DCLK2: variants seen among roughly 807,000 people sequenced by gnomAD.
DCLK2 encodes doublecortin like kinase 2.
DCLK2 carries 31 observed loss-of-function variants against 78.4 expected under a neutral mutation model. The observed-to-expected ratio is 0.40, with a 90% CI of 0.30 to 0.53. The LOEUF is 0.53. Among genes scored for constraint, DCLK2 ranks in the 20% least tolerant of loss-of-function variants. The pLI, the probability that DCLK2 is intolerant of heterozygous loss-of-function variation, is 0.61. For missense variants in DCLK2, 872 were observed against 973.7 expected, an observed-to-expected ratio of 0.90 and a Z score of 1.39; for synonymous variants, 407 against 374.9, an observed-to-expected ratio of 1.09 and a Z score of -0.99.
In DCLK2 at chr4:150,195,076, A is replaced by G. The variant is rs112204486; in HGVS notation, c.859+1836A>G. Among the ~76,000 whole-genome samples, 1,113 of 139,696 alleles carry G rather than the reference A, an allele frequency of 8.0e-3. 18 individuals carry two copies. Among genetic ancestry groups the G allele is most frequent in the African/African-American group, 0.028 (1,048 of 37,508 alleles). The allele number at this position is 139,696 out of a possible 152,430, so 91.6% of individuals were successfully genotyped here. A position where few individuals can be genotyped will look rare whatever the true frequency, so the allele number is the denominator to read the frequency against. ...CCTTAATTATAGATAATGTCCTGTTACGTTATCTGTGCTAGTGCTCTCCCT... is the reference window on the plus strand; with the variant it reads ...CCTTAATTATAGATAATGTCCTGTTGCGTTATCTGTGCTAGTGCTCTCCCT... On this transcript the variant is annotated intron_variant, in intron 3 of 15. Coordinates refer to ENST00000296550, the MANE Select transcript of DCLK2 (RefSeq NM_001040260.4).
intron 1 of DCLK2, among the ~76,000 whole-genome samples, chr4:150,098,627 G>A (rs1050217135): frequency 1.3e-4 from 20 of 151,960 alleles, no homozygotes; most frequent in Admixed American, 4.6e-4. Context: ...CTTTGTTTTG[G>A]TGAGGGCAGT....
chr4:150,186,455 T>C (rs1167847546), intron 2 of DCLK2, among the ~76,000 whole-genome samples: 1 of 151,548 alleles, frequency 6.6e-6, no homozygotes, highest in African/African-American at 2.5e-5. Flanking sequence ...CCCATAATAG[T>C]CAGGGTGTTC....
intron 1 of DCLK2, among the ~76,000 whole-genome samples, chr4:150,100,797 A>G (rs1475183175): frequency 1.3e-5 from 2 of 152,222 alleles, no homozygotes; most frequent in African/African-American, 2.4e-5. Context: ...AAAATGATTT[A>G]GATAAGCCTA....
intron 3 of DCLK2, among the ~76,000 whole-genome samples, chr4:150,196,050 A>C (rs761088193): frequency 2.6e-5 from 4 of 152,060 alleles, no homozygotes; most frequent in Non-Finnish European, 2.9e-5. Context: ...AGATACGTTT[A>C]TTAGGAGGCA....
chr4:150,250,230 T>C (rs988062236), intron 15 of DCLK2, among the ~76,000 whole-genome samples: 4 of 152,220 alleles, frequency 2.6e-5, no homozygotes, highest in African/African-American at 9.7e-5. Flanking sequence ...TTTTATGAGA[T>C]GTCAGTGACA....
At chr4:150,086,567 C>T (rs62339894) in intron 1 of DCLK2, among the ~76,000 whole-genome samples, 1 of 150,362 alleles carries the variant, frequency 6.7e-6, no homozygotes, top group Non-Finnish European at 1.5e-5. Context: ...AGTGCAGTGG[C>T]GCAATCTCGG....
intron 1 of DCLK2, among the ~76,000 whole-genome samples, chr4:150,081,997 C>CAAAAAAAAAAAAA (rs1216080802): frequency 1.7e-5 from 1 of 60,200 alleles, no homozygotes; most frequent in Non-Finnish European, 3.6e-5. Flanking sequence ...GACTCTGTCT[C>CAAAAAAAAAAAAA]AAAAAAAAAA....
At chr4:150,132,048 G>A (rs764845106) in intron 2 of DCLK2, among the ~76,000 whole-genome samples, 4 of 152,188 alleles carry the variant, frequency 2.6e-5, no homozygotes, top group Non-Finnish European at 5.9e-5. Flanking sequence ...CCCTGTGTGT[G>A]AGGATAAGCT....
At chr4:150,223,330 A>G (rs756455247) in intron 7 of DCLK2, among the ~76,000 whole-genome samples, 1 of 152,238 alleles carries the variant, frequency 6.6e-6, no homozygotes, top group Non-Finnish European at 1.5e-5. Context: ...TGGCAAATCC[A>G]GCTGCACTTG....
At chr4:150,193,110 ATTTC>A in intron 2 of DCLK2, 24 bp from the exon 3 acceptor site, 3 of 1,396,444 alleles carry the variant, frequency 2.1e-6, no homozygotes, top group Non-Finnish European at 3.0e-6. Flanking sequence ...TGTCTAATTT[ATTTC>A]TTGGACATGA....
chr4:150,081,925 G>A (rs1306915479), intron 1 of DCLK2, among the ~76,000 whole-genome samples: 1 of 150,024 alleles, frequency 6.7e-6, no homozygotes, highest in African/African-American at 2.5e-5. Context: ...TTGAACCCAG[G>A]AGGCGGAGGT....
intron 8 of DCLK2, among the ~76,000 whole-genome samples, chr4:150,228,834 G>A (rs1479090613): frequency 4.6e-5 from 7 of 151,382 alleles, no homozygotes; most frequent in Non-Finnish European, 1.5e-5. Flanking sequence ...AGACCATCCT[G>A]GCTAACAAGG....
chr4:150,137,944 T>C (rs1352604764), intron 2 of DCLK2, among the ~76,000 whole-genome samples: 1 of 152,204 alleles, frequency 6.6e-6, no homozygotes, highest in Non-Finnish European at 1.5e-5. Flanking sequence ...AGTCAGAAAG[T>C]TGCATATCCA....
In DCLK2 at chr4:150,187,975, A is replaced by G. The variant is rs550810474; in HGVS notation, c.757-5163A>G. On this transcript the variant is annotated intron_variant, in intron 2 of 15. Coordinates refer to ENST00000296550, the MANE Select transcript of DCLK2 (RefSeq NM_001040260.4). ...GCCACCACACCCAGCTAATTTTTATACTTTTAGTAGAGACGGGGTTTCGCC... is the reference window on the plus strand; with the variant it reads ...GCCACCACACCCAGCTAATTTTTATGCTTTTAGTAGAGACGGGGTTTCGCC... Among the ~76,000 whole-genome samples the G allele has an allele frequency of 3.6e-4, 55 of 151,884 alleles. No homozygotes were observed. The South Asian group carries it at 0.011, about 30-fold the overall frequency.
intron 2 of DCLK2, among the ~76,000 whole-genome samples, chr4:150,172,768 G>T (rs12019272): frequency 0.16 from 22,735 of 144,156 alleles, 2,583 homozygotes; most frequent in Non-Finnish European, 0.22. Flanking sequence ...TTTGGGGGGG[G>T]GGGGGATACC....
chr4:150,167,281 T>C (rs28670248), intron 2 of DCLK2, among the ~76,000 whole-genome samples: 3,190 of 152,334 alleles, frequency 0.021, 101 homozygotes, highest in African/African-American at 0.073. Flanking sequence ...CCTTGTCTTA[T>C]GAAGGACAGA....
At chr4:150,138,971 C>T (rs1038506607) in intron 2 of DCLK2, among the ~76,000 whole-genome samples, 1 of 148,086 alleles carries the variant, frequency 6.8e-6, no homozygotes, top group Non-Finnish European at 1.5e-5. Flanking sequence ...GCCCATTTTT[C>T]AAATTTTTGA....
intron 2 of DCLK2, among the ~76,000 whole-genome samples, chr4:150,189,120 A>T (rs1580679442): frequency 1.3e-5 from 2 of 152,078 alleles, no homozygotes; most frequent in South Asian, 4.2e-4. Context: ...TTTTTTTCAG[A>T]TTCATTCAGA....
chr4:150,244,606 A>C (rs186212815), intron 12 of DCLK2, among the ~76,000 whole-genome samples: 235 of 152,374 alleles, frequency 1.5e-3, no homozygotes, highest in African/African-American at 5.5e-3. Flanking sequence ...ATTGTTTTAG[A>C]ATTTAAAAAT....
Sources: gnomAD v4.1 joint callset for allele counts (sites outside exome capture counted in the v4.1 genomes callset) on GRCh38, gnomAD v4.1.1 for gene constraint, MANE v1.5 for transcripts, NCBI Gene and HGNC (gene_info 2026-07-23, HGNC 2026-07-21) for gene names.